Variants in MBOAT2 observed in about 807,000 individuals in gnomAD.
MBOAT2 encodes the protein membrane-bound glycerophospholipid O-acyltransferase 2.
A neutral mutation model predicts 63.4 loss-of-function variants in MBOAT2; 28 were observed. The ratio of observed to expected loss-of-function variants is 0.44; its 90% CI spans 0.33 to 0.61. The LOEUF (loss-of-function observed/expected upper bound fraction) is 0.61, where lower values mean the gene tolerates loss of function less well. Ranked by LOEUF, MBOAT2 falls within the 20% of genes least tolerant of loss-of-function variation. The pLI, the probability that MBOAT2 is intolerant of heterozygous loss-of-function variation, is 0.03. For missense variants in MBOAT2, 470 were observed against 605.8 expected (o/e 0.78, Z 2.35); for synonymous variants, 211 against 215.6 (o/e 0.98, Z 0.19).
intron 3 of MBOAT2, among the ~76,000 whole-genome samples, chr2:8,933,411 C>G (rs948132486): frequency 6.6e-6 from 1 of 152,146 alleles, no homozygotes; most frequent in Non-Finnish European, 1.5e-5. Flanking sequence ...TACAGTGGCA[C>G]AATCACAGTT....
At chr2:8,873,744 A>C (rs1212159883) in intron 7 of MBOAT2, among the ~76,000 whole-genome samples, 2 of 152,232 alleles carry the variant, frequency 1.3e-5, no homozygotes, top group Admixed American at 1.3e-4. Flanking sequence ...TACAATAAAC[A>C]ATCTATGCAT....
At chr2:8,894,366 T>C (rs920731792) in intron 4 of MBOAT2, among the ~76,000 whole-genome samples, 6 of 152,184 alleles carry the variant, frequency 3.9e-5, no homozygotes, top group Non-Finnish European at 8.8e-5. Context: ...AAACGGAATG[T>C]TTCCTGTAAT....
chr2:8,876,203 C>T (rs1393282978), intron 7 of MBOAT2, among the ~76,000 whole-genome samples: 1 of 152,158 alleles, frequency 6.6e-6, no homozygotes, highest in African/African-American at 2.4e-5. Flanking sequence ...TTTCAAGTGC[C>T]CCAGTGGCTT....
intron 1 of MBOAT2, among the ~76,000 whole-genome samples, chr2:8,976,100 A>G (rs1670799227): frequency 1.3e-5 from 2 of 152,242 alleles, no homozygotes; most frequent in East Asian, 1.9e-4. Flanking sequence ...ATGTTGTTAA[A>G]AACAGCCAGA....
At chr2:8,951,292 T>C (rs1668815784) in intron 2 of MBOAT2, among the ~76,000 whole-genome samples, 1 of 151,800 alleles carries the variant, frequency 6.6e-6, no homozygotes, top group South Asian at 2.1e-4. Context: ...GCAATCTCTG[T>C]CTCCTGAGCT....
intron 5 of MBOAT2, among the ~76,000 whole-genome samples, chr2:8,887,434 T>C (rs529925618): frequency 6.6e-6 from 1 of 152,192 alleles, no homozygotes; most frequent in South Asian, 2.1e-4. Flanking sequence ...GGAGACACAG[T>C]AGGGCTCAAA....
chr2:8,964,744 A>G (rs193291633), intron 1 of MBOAT2, among the ~76,000 whole-genome samples: 135 of 152,338 alleles, frequency 8.9e-4, no homozygotes, highest in Middle Eastern at 3.4e-3. Context: ...ATTCTTGACA[A>G]CACTTGGTAC....
intron 12 of MBOAT2, among the ~76,000 whole-genome samples, chr2:8,860,407 T>C (rs552669038): frequency 5.3e-4 from 80 of 152,320 alleles, no homozygotes; most frequent in African/African-American, 1.9e-3. Flanking sequence ...TCTGTCTAAA[T>C]CACTCATCTG....
chr2:8,986,577 A>C (rs918031859), intron 1 of MBOAT2, among the ~76,000 whole-genome samples: 16 of 151,778 alleles, frequency 1.1e-4, no homozygotes, highest in Non-Finnish European at 1.5e-4. Flanking sequence ...AAAAAAAAAA[A>C]GTAATACGGT....
At position 8,929,358 on chromosome 2, in the gene MBOAT2, A is replaced by ATTCG. The variant is rs139280864; in HGVS notation, c.299+13828_299+13829insCGAA. On this transcript the variant is annotated intron_variant, in intron 3 of 12. Transcript: ENST00000305997. ...CATTCATTCATTCATTCATTCATTC[A>ATTCG]TTCATTCATTTGAGAAAGGGTCTCA... is the stretch of plus-strand genomic sequence containing the variant. Among the ~76,000 whole-genome samples the ATTCG allele has an allele frequency of 5.0e-3, 758 of 152,094 alleles. 23 individuals are homozygous for ATTCG. Among genetic ancestry groups the ATTCG allele is most frequent in the African/African-American group, 0.017 (705 of 41,484 alleles).
chr2:8,885,604 T>C (rs1211485197), intron 5 of MBOAT2, among the ~76,000 whole-genome samples: 1 of 152,162 alleles, frequency 6.6e-6, no homozygotes, highest in Non-Finnish European at 1.5e-5. Flanking sequence ...AAGGCCACAG[T>C]ACAAGCCAGA....
chr2:8,903,089 A>T (rs1665080723), intron 4 of MBOAT2, among the ~76,000 whole-genome samples: 1 of 152,200 alleles, frequency 6.6e-6, no homozygotes, highest in African/African-American at 2.4e-5. Flanking sequence ...AAAGTTCTCC[A>T]AGTCCCCACC....
At chr2:8,866,754 T>C (rs1318664017) in intron 9 of MBOAT2, among the ~76,000 whole-genome samples, 1 of 152,266 alleles carries the variant, frequency 6.6e-6, no homozygotes, top group Non-Finnish European at 1.5e-5. Flanking sequence ...TTGGGTCATA[T>C]GTCCCATAGA....
At chr2:8,875,296 G>C (rs896933928) in intron 7 of MBOAT2, among the ~76,000 whole-genome samples, 1 of 152,150 alleles carries the variant, frequency 6.6e-6, no homozygotes, top group Admixed American at 6.5e-5. Flanking sequence ...TATTAAAATG[G>C]TGGGAAAATA....
chr2:8,869,982 G>A (rs531447116), intron 8 of MBOAT2, among the ~76,000 whole-genome samples: 1 of 152,242 alleles, frequency 6.6e-6, no homozygotes, highest in East Asian at 1.9e-4. Flanking sequence ...GAGAACTGGG[G>A]ATATCAAACT....
intron 3 of MBOAT2, among the ~76,000 whole-genome samples, chr2:8,909,196 G>C (rs997284096): frequency 2.1e-4 from 32 of 152,296 alleles, no homozygotes; most frequent in African/African-American, 7.2e-4. Flanking sequence ...AACACTTACT[G>C]ATTTCTATAA....
intron 1 of MBOAT2, among the ~76,000 whole-genome samples, chr2:8,971,323 G>A (rs763632637): frequency 1.5e-4 from 23 of 152,176 alleles, no homozygotes; most frequent in East Asian, 3.9e-4. Flanking sequence ...ACAGCCCTTC[G>A]TGCTAAAAAC....
intron 3 of MBOAT2, among the ~76,000 whole-genome samples, chr2:8,923,313 T>C (rs760090666): frequency 6.6e-6 from 1 of 152,198 alleles, no homozygotes; most frequent in Non-Finnish European, 1.5e-5. Context: ...CAGAAAACAT[T>C]ACTATTGTGA....
chr2:8,915,769 C>T lies in MBOAT2; in HGVS notation c.300-7053G>A, dbSNP rs1281005607. On this transcript the variant is annotated intron_variant, in intron 3 of 12. Transcript: ENST00000305997. ...GAATGTCTTCAAATAGAAGAATATA[C>T]ATGCAAATAAAATCCAGACCGACCT... Among the ~76,000 whole-genome samples the T allele has an allele frequency of 3.9e-5, 6 of 152,304 alleles. No homozygotes were observed. In the East Asian group the frequency reaches 9.6e-4, roughly 24 times the overall value.
Sources: allele counts gnomAD v4.1 joint callset (sites outside exome capture counted in the v4.1 genomes callset), GRCh38; gene constraint gnomAD v4.1.1; transcripts MANE v1.5; gene names NCBI Gene and HGNC (gene_info 2026-07-23, HGNC 2026-07-21).